Variants in CWC22 observed in about 807,000 individuals in gnomAD.
CWC22 encodes the protein CWC22 spliceosome associated protein, also known as pre-mRNA-splicing factor CWC22 homolog.
A neutral mutation model predicts 117.2 loss-of-function variants in CWC22; 53 were observed. The observed-to-expected ratio is 0.45, with a 90% confidence interval of 0.36 to 0.57. The LOEUF is 0.57. CWC22 is among the 20% of genes least tolerant of loss of function. The probability of loss-of-function intolerance (pLI) is 0.00; values close to 1 mark genes in which losing one functional copy is unlikely to be tolerated. For synonymous variants in CWC22, 360 were observed against 355.6 expected (o/e 1.01, Z -0.14); for missense variants, 980 against 1,068.8 (o/e 0.92, Z 1.16).
intron 1 of CWC22, among the ~76,000 whole-genome samples, chr2:179,994,379 A>T (rs1687647582): frequency 6.6e-6 from 1 of 152,214 alleles, no homozygotes; most frequent in Admixed American, 6.5e-5. Context: ...TTCTTTTAAA[A>T]GAGAACACTG....
chr2:179,945,381 C>T lies in CWC22; in HGVS notation c.2475G>A (p.Glu825=), dbSNP rs373924135. Residue 825 remains glutamate (E), a synonymous_variant, in exon 20 of 20, where the codon GAG becomes GAA. Transcript: ENST00000410053. ...KHGDPKKKRG[E]RRNSFSENEK... The stretch of plus-strand genomic sequence containing the variant: ...CATTTTCAGAAAAAGAATTTCTTCT[C>T]TCTCCTCTCTTCTTTTTGGGATCAC... 11 of 1,602,716 alleles carry T rather than the reference C, an allele frequency of 6.9e-6. No homozygotes were observed. The African/African-American group carries it at 1.1e-4, about 16-fold the overall frequency.
At chr2:179,954,647 A>T (rs1222379242) in intron 15 of CWC22, among the ~76,000 whole-genome samples, 2 of 152,094 alleles carry the variant, frequency 1.3e-5, no homozygotes, top group East Asian at 3.8e-4. Context: ...CTGCCTGAAC[A>T]TGTACTTGAC....
Position 179,945,121 on chromosome 2 carries a change from T to G in CWC22, c.*8A>C. 1 of 1,573,844 alleles carries G rather than the reference T, an allele frequency of 6.4e-7. No individual in the cohort carries two copies. The highest frequency in any genetic ancestry group is 8.6e-7 in the Non-Finnish European group (1 of 1,163,200). On this transcript the variant is annotated 3_prime_UTR_variant, in exon 20 of 20. Coordinates refer to ENST00000410053, the MANE Select transcript of CWC22 (RefSeq NM_020943.3). ...TAAGGCATGTCCAGTTTATGTCATTTTGTAGAATTATTTTTGTTTTGCTGG... is the reference window on the plus strand; with the variant it reads ...TAAGGCATGTCCAGTTTATGTCATTGTGTAGAATTATTTTTGTTTTGCTGG...
intron 15 of CWC22, 105 bp downstream of exon 15, chr2:179,954,852 A>G (rs1382408204): frequency 3.4e-5 from 24 of 708,302 alleles, no homozygotes; most frequent in Non-Finnish European, 5.8e-5. Flanking sequence ...ATTTGCTTTT[A>G]GCAAAAGTGG....
chr2:179,958,297 C>T (rs1428056056), intron 14 of CWC22, among the ~76,000 whole-genome samples: 3 of 134,570 alleles, frequency 2.2e-5, no homozygotes, highest in African/African-American at 8.4e-5. Context: ...TGCCACTGCA[C>T]TCTAGCCTGG....
Position 179,950,482 on chromosome 2 carries a change from G to A in CWC22, c.2140+30C>T, listed in dbSNP as rs763249833. On this transcript the variant is annotated intron_variant, in intron 19 of 19. Coordinates refer to ENST00000410053, the MANE Select transcript of CWC22 (RefSeq NM_020943.3). ...TCAGCAACATATTTATTAGAAAAGA[G>A]CAAGCCAAATTACACATAAGCTTCA... 40 of 1,393,744 alleles carry A rather than the reference G, an allele frequency of 2.9e-5. No homozygotes were observed. The Middle Eastern group carries it at 5.7e-4, about 20-fold the overall frequency. The allele number at this position is 1,393,744 out of a possible 1,614,324, so 86.3% of individuals were successfully genotyped here.
chr2:180,006,421 C>A (rs1468404524), intron 1 of CWC22, among the ~76,000 whole-genome samples: 1 of 152,186 alleles, frequency 6.6e-6, no homozygotes. Context: ...GTTATTACCT[C>A]ACTGGAGATA....
At chr2:179,977,252 G>A (rs2105535479) in intron 6 of CWC22, among the ~76,000 whole-genome samples, 1 of 152,276 alleles carries the variant, frequency 6.6e-6, no homozygotes, top group South Asian at 2.1e-4. Flanking sequence ...AATGAGATCA[G>A]TATGTTGAAG....
chr2:179,976,139 G>A (rs1465189594), intron 6 of CWC22, among the ~76,000 whole-genome samples: 1 of 152,138 alleles, frequency 6.6e-6, no homozygotes, highest in African/African-American at 2.4e-5. Flanking sequence ...ATGCTAAGAA[G>A]ACACAATAGG....
At chr2:180,000,590 C>T (rs1235056385) in intron 1 of CWC22, among the ~76,000 whole-genome samples, 2 of 152,194 alleles carry the variant, frequency 1.3e-5, no homozygotes, top group South Asian at 2.1e-4. Context: ...CAGAGCTGTC[C>T]TCCCTTTTGC....
Position 179,964,537 on chromosome 2 carries a change from G to C in CWC22, c.1397+10C>G, listed in dbSNP as rs769900170. 2.0e-6 allele frequency: 3 copies of C among 1,480,368 alleles called. No individual in the cohort carries two copies. In the South Asian group the frequency reaches 3.7e-5, roughly 18 times the overall value. The allele number at this position is 1,480,368 out of a possible 1,614,324, so 91.7% of individuals were successfully genotyped here. On this transcript the variant is annotated intron_variant, in intron 13 of 19. Coordinates refer to ENST00000410053, the MANE Select transcript of CWC22 (RefSeq NM_020943.3). The stretch of plus-strand genomic sequence containing the variant: ...ACAAAAAAAGGATGAACTGAGATAT[G>C]ATGCCTTACCTTGACTGAATAGCAA...
At chr2:179,977,356 A>T (rs1233192242) in intron 6 of CWC22, among the ~76,000 whole-genome samples, 2 of 152,230 alleles carry the variant, frequency 1.3e-5, no homozygotes, top group African/African-American at 4.8e-5. Flanking sequence ...ATGGATAAAG[A>T]AAATGTATAC....
chr2:179,968,630 T>C (rs577358765), intron 11 of CWC22, among the ~76,000 whole-genome samples: 3 of 152,002 alleles, frequency 2.0e-5, no homozygotes, highest in East Asian at 1.9e-4. Context: ...TGCAGTGGCG[T>C]GATCTTGGCT....
At chr2:179,953,122 G>A (rs1686495237) in intron 16 of CWC22, among the ~76,000 whole-genome samples, 1 of 151,996 alleles carries the variant, frequency 6.6e-6, no homozygotes, top group Admixed American at 6.6e-5. Context: ...GTTTTTATGG[G>A]TTATGTGTTT....
rs1687009403 is a variant in CWC22, at chr2:179,970,646, T to A, written c.1147+4A>T. 1.9e-6 allele frequency: 3 copies of A among 1,611,468 alleles called. No homozygotes were observed. Among genetic ancestry groups the A allele is most frequent in the African/African-American group, 1.3e-5 (1 of 74,640 alleles). On this transcript the variant is annotated splice_donor_region_variant and intron_variant, in intron 10 of 19. Coordinates refer to ENST00000410053, the MANE Select transcript of CWC22 (RefSeq NM_020943.3). ...TCTTTCCAACTAACATGCCCCGGAC[T>A]TACTAAGAACATCTTCTGGATTATA...
chr2:179,945,685 T>C lies in CWC22; in HGVS notation c.2171A>G (p.Lys724Arg). 6.2e-7 allele frequency: 1 copy of C among 1,602,946 alleles called. No homozygotes were observed. The highest frequency in any genetic ancestry group is 8.5e-7 in the Non-Finnish European group (1 of 1,177,290). Residue 724 changes from lysine (K) to arginine (R), a missense_variant, in exon 20 of 20, where the codon AAG becomes AGG. This residue lies in a region of CWC22 where 306 missense variants were observed against 296.8 expected (regional missense o/e 1.03). Transcript: ENST00000410053. ...TTTATCTACCTCTTTACTTCTGGTC[T>C]TCCCATGTCCCTTCTTTCTTACATC... ...ANDVRKKGHG[K>R]TRSKEVDKLI...
chr2:179,985,456 C>A (rs972798924), intron 4 of CWC22, among the ~76,000 whole-genome samples: 5 of 152,034 alleles, frequency 3.3e-5, no homozygotes, highest in African/African-American at 1.2e-4. Context: ...GAGAGTCTCT[C>A]CCCACATGTA....
At chr2:179,971,196 CAA>C in intron 8 of CWC22, 120 bp from the exon 9 acceptor site, 1 of 646,300 alleles carries the variant, frequency 1.5e-6, no homozygotes, top group East Asian at 3.0e-5. Flanking sequence ...ATATGATGGG[CAA>C]AGTTTTATAA....
At chr2:179,961,359 T>C (rs1686746089) in intron 13 of CWC22, among the ~76,000 whole-genome samples, 1 of 152,020 alleles carries the variant, frequency 6.6e-6, no homozygotes, top group South Asian at 2.1e-4. Flanking sequence ...AGTTCATCTA[T>C]ATTCCTCAGC....
Sources: gnomAD v4.1 joint callset for allele counts (sites outside exome capture counted in the v4.1 genomes callset) on GRCh38, gnomAD v4.1.1 for gene constraint, gnomAD v4.1.1 regional missense constraint, MANE v1.5 for transcripts, NCBI Gene and HGNC (gene_info 2026-07-23, HGNC 2026-07-21) for gene names.